The following ATRAID variants were observed in gnomAD, a reference collection of about 807,000 sequenced individuals.
ATRAID encodes all-trans retinoic acid induced differentiation factor.
A neutral mutation model predicts 28.8 loss-of-function variants in ATRAID; 26 were observed. The observed-to-expected ratio is 0.90, with a 90% CI of 0.66 to 1.25. The LOEUF (loss-of-function observed/expected upper bound fraction) is 1.25. Ranked by LOEUF, ATRAID falls within the 50% of genes most tolerant of loss-of-function variation. ATRAID has a pLI of 0.00. For missense variants in ATRAID, 308 were observed against 285.9 expected, an observed-to-expected ratio of 1.08 and a Z score of -0.56; for synonymous variants, 131 against 108.5, an observed-to-expected ratio of 1.21 and a Z score of -1.29.
At chr2:27,214,506 A>G (rs1473279870) in intron 2 of ATRAID, among the ~76,000 whole-genome samples, 2 of 152,280 alleles carry the variant, frequency 1.3e-5, no homozygotes, top group East Asian at 3.9e-4. Flanking sequence ...ATTTCTCCCA[A>G]TAGATGCATA....
intron 6 of ATRAID, 40 bp from the exon 7 acceptor site, chr2:27,216,804 T>A (rs771495187): frequency 1.3e-6 from 2 of 1,559,598 alleles, no homozygotes; most frequent in African/African-American, 2.7e-5. Flanking sequence ...GCCCTCCGTG[T>A]AACGTTGTAT....
In ATRAID at chr2:27,215,714, C is replaced by G. The variant is rs1663000673; in HGVS notation, c.448C>G (p.Gln150Glu). 1.2e-6 allele frequency: 2 copies of G among 1,614,180 alleles called. No homozygotes were observed. The highest frequency in any genetic ancestry group is 2.7e-5 in the African/African-American group (2 of 75,044). ...ITSYIDNQICQGQKNLCNNTG... is the reference protein window; with the variant it reads ...ITSYIDNQICEGQKNLCNNTG... ...CTCTTATATAGACAACCAAATCTGTCAAGGGCAAAAGAACCTTTGCAATAA... is the reference window on the plus strand; with the variant it reads ...CTCTTATATAGACAACCAAATCTGTGAAGGGCAAAAGAACCTTTGCAATAA... The change falls in exon 5 of 7, where the codon CAA becomes GAA. Residue 150 changes from glutamine to glutamate, a missense_variant. Coordinates refer to ENST00000380171, the MANE Select transcript of ATRAID (RefSeq NM_001170795.4).
At position 27,212,298 on chromosome 2, in the gene ATRAID, G is replaced by C; in HGVS notation, c.-71G>C. 1 of 1,551,064 alleles carries C rather than the reference G, an allele frequency of 6.4e-7. No homozygotes were observed. The highest frequency in any genetic ancestry group is 8.7e-7 in the Non-Finnish European group (1 of 1,147,092). ...CGCTTAGGCCACGCCCGGGGAAGAG[G>C]GCCTGACGCGCTGCGGGGCGGGGCC... On this transcript the variant is annotated 5_prime_UTR_variant, in exon 1 of 7. Transcript: ENST00000380171.
At chr2:27,213,336 A>G (rs939689859) in intron 2 of ATRAID, 38 bp downstream of exon 2, 3 of 1,598,612 alleles carry the variant, frequency 1.9e-6, no homozygotes, top group East Asian at 2.2e-5. Context: ...GATACAGGCC[A>G]TTCCTTAGCC....
At chr2:27,214,678 C>A (rs558305333) in intron 2 of ATRAID, among the ~76,000 whole-genome samples, 2 of 152,062 alleles carry the variant, frequency 1.3e-5, no homozygotes, top group Non-Finnish European at 2.9e-5. Flanking sequence ...ATGGTGAAAC[C>A]CCGTCTCTAC....
At position 27,216,897 on chromosome 2, in the gene ATRAID, C is replaced by T; in HGVS notation, c.639C>T (p.Ser213=). The change falls in exon 7 of 7, where the codon TCC becomes TCT. Residue 213 remains serine, a synonymous_variant. Transcript: ENST00000380171. ...GGATTCTGGGAGCCACCACTCTATCCGTCTCCATTCTGCTTTGGGCGACCC... is the reference window on the plus strand; with the variant it reads ...GGATTCTGGGAGCCACCACTCTATCTGTCTCCATTCTGCTTTGGGCGACCC... ...FFGILGATTL[S]VSILLWATQR... is the part of the protein sequence containing the mutation. The T allele has an allele frequency of 1.2e-6, 2 of 1,614,166 alleles. No individual in the cohort carries two copies. The highest frequency in any genetic ancestry group is 1.7e-6 in the Non-Finnish European group (2 of 1,180,028).
Position 27,213,313 on chromosome 2 carries a change from TC to T in ATRAID, c.221+18del. The stretch of plus-strand genomic sequence containing the variant: ...ACCATCTTGGGGTGAGGGGAAGACA[TC>T]CCTAGATGCTGGATACAGGCCATTC... On this transcript the variant is annotated intron_variant, in intron 2 of 6. Transcript: ENST00000380171. The T allele has an allele frequency of 1.2e-6, 2 of 1,611,580 alleles. No individual in the cohort carries two copies. Among genetic ancestry groups the T allele is most frequent in the Non-Finnish European group, 1.7e-6 (2 of 1,177,986 alleles).
At chr2:27,212,853 C>G (rs1674650750) in intron 1 of ATRAID, 6 of 457,662 alleles carry the variant, frequency 1.3e-5, no homozygotes, top group Admixed American at 4.3e-5. Flanking sequence ...TTACACCGCG[C>G]CAAACTAGGG....
chr2:27,212,836 G>C (rs896832042), intron 1 of ATRAID: 14 of 486,426 alleles, frequency 2.9e-5, no homozygotes, highest in Non-Finnish European at 4.8e-5. Flanking sequence ...ACGTACCTGC[G>C]GTCGTTTTAC....
chr2:27,215,233 A>C (rs1210723074), intron 2 of ATRAID, 88 bp from the exon 3 acceptor site: 5 of 1,311,394 alleles, frequency 3.8e-6, no homozygotes, highest in Non-Finnish European at 5.5e-6. Context: ...TATTAGCTGA[A>C]AAGGGGGTTG....
rs1391318336 is a variant in ATRAID, at chr2:27,212,117, G to A, written c.-252G>A. 38 of 1,500,342 alleles carry A rather than the reference G, an allele frequency of 2.5e-5. No individual in the cohort carries two copies. Among genetic ancestry groups the A allele is most frequent in the Non-Finnish European group, 3.3e-5 (37 of 1,129,044 alleles). The allele number at this position is 1,500,342 out of a possible 1,614,324, so 92.9% of individuals were successfully genotyped here. Reference sequence around the variant, plus strand: ...TGAGGGAGTCTGCAGTCGGCTCCGGGAAGCCGCGCGGCGACGGGGGAGGCC... The same window carrying A: ...TGAGGGAGTCTGCAGTCGGCTCCGGAAAGCCGCGCGGCGACGGGGGAGGCC... On this transcript the variant is annotated 5_prime_UTR_variant, in exon 1 of 7. Transcript: ENST00000380171.
In ATRAID at chr2:27,212,234, G is replaced by C; in HGVS notation, c.-135G>C. ...GACCAGCGCAGAGCTCCACGAGCAG[G>C]AAAAGCCCCCAAGCAGCCCCAGGGC... On this transcript the variant is annotated 5_prime_UTR_variant, in exon 1 of 7. Coordinates refer to ENST00000380171, the MANE Select transcript of ATRAID (RefSeq NM_001170795.4). 1 of 1,561,382 alleles carries C rather than the reference G, an allele frequency of 6.4e-7. No homozygotes were observed. The highest frequency in any genetic ancestry group is 2.3e-5 in the East Asian group (1 of 42,726).
chr2:27,215,609 G>GT, intron 4 of ATRAID, 23 bp from the exon 5 acceptor site: 3 of 1,614,184 alleles, frequency 1.9e-6, no homozygotes, highest in Non-Finnish European at 2.5e-6. Flanking sequence ...AACTTTGCAT[G>GT]TTATGACCAC....
intron 2 of ATRAID, among the ~76,000 whole-genome samples, chr2:27,214,007 A>G (rs993040883): frequency 5.3e-5 from 8 of 152,136 alleles, no homozygotes; most frequent in African/African-American, 1.9e-4. Flanking sequence ...ATGCAATGGC[A>G]TGATCTCGGC....
At chr2:27,216,493 T>C (rs367921118) in intron 5 of ATRAID, 30 bp from the exon 6 acceptor site, 113 of 1,489,328 alleles carry the variant, frequency 7.6e-5, no homozygotes, top group Admixed American at 1.5e-4. Flanking sequence ...ATGGATAAAG[T>C]GATGTTCTCT....
intron 1 of ATRAID, 77 bp downstream of exon 1, chr2:27,212,544 C>G: frequency 6.7e-7 from 1 of 1,500,010 alleles, no homozygotes; most frequent in South Asian, 1.3e-5. Flanking sequence ...GCGGCTCCCC[C>G]TTCTCCTCGG....
chr2:27,215,694 AT>A lies in ATRAID; in HGVS notation c.429del (p.Tyr143Ter), dbSNP rs1674797026. On this transcript the variant is annotated frameshift_variant, in exon 5 of 7. Transcript: ENST00000380171. LOFTEE classifies it high-confidence loss of function. ...GINAWNTITS[Y>X]IDNQICQGQK... ...AATGCCTGGAATACTATCACCTCTT[AT>A]ATAGACAACCAAATCTGTCAAGGGC... 5 of 1,614,254 alleles carry A rather than the reference AT, an allele frequency of 3.1e-6. No homozygotes were observed. The highest frequency in any genetic ancestry group is 4.2e-6 in the Non-Finnish European group (5 of 1,180,048).
At chr2:27,214,480 T>C (rs1674749584) in intron 2 of ATRAID, among the ~76,000 whole-genome samples, 1 of 152,158 alleles carries the variant, frequency 6.6e-6, no homozygotes, top group African/African-American at 2.4e-5. Context: ...TTCACTAATG[T>C]AGACAAGAAA....
At chr2:27,215,297 A>G (rs992056227) in intron 2 of ATRAID, 24 bp from the exon 3 acceptor site, 2 of 1,609,998 alleles carry the variant, frequency 1.2e-6, no homozygotes, top group South Asian at 1.1e-5. Flanking sequence ...ACACACAGTT[A>G]TATTGATTAC....
Sources: gnomAD v4.1 joint callset for allele counts (sites outside exome capture counted in the v4.1 genomes callset) on GRCh38, gnomAD v4.1.1 for gene constraint, MANE v1.5 for transcripts, NCBI Gene and HGNC (gene_info 2026-07-23, HGNC 2026-07-21) for gene names.